The following FAM227A variants were observed in gnomAD, a reference collection of about 807,000 sequenced individuals.
The protein encoded by FAM227A is protein FAM227A.
Under a neutral mutation model 74.7 loss-of-function variants are expected in FAM227A, and 80 were observed. That is an observed-to-expected ratio of 1.07 (90% CI 0.89 to 1.29). FAM227A has a LOEUF of 1.29. Ranked by LOEUF, FAM227A falls within the 50% of genes most tolerant of loss-of-function variation. The pLI is 0.00. For synonymous variants in FAM227A, 237 were observed against 241.8 expected, an observed-to-expected ratio of 0.98 and a Z score of 0.19; for missense variants, 654 against 683.4, an observed-to-expected ratio of 0.96 and a Z score of 0.48.
chr22:38,641,318 G>C (rs1164920598), intron 3 of FAM227A, among the ~76,000 whole-genome samples: 1 of 152,096 alleles, frequency 6.6e-6, no homozygotes, highest in Non-Finnish European at 1.5e-5. Context: ...AGATTCCCGG[G>C]CCTTTGCATT....
intron 6 of FAM227A, among the ~76,000 whole-genome samples, chr22:38,634,948 T>C (rs1285923184): frequency 6.6e-6 from 1 of 151,798 alleles, no homozygotes; most frequent in Non-Finnish European, 1.5e-5. Flanking sequence ...GAAGAAGCCA[T>C]GAAGAAGAGA....
At chr22:38,588,386 AGGTG>A (rs1230335340) in intron 16 of FAM227A, among the ~76,000 whole-genome samples, 4 of 152,078 alleles carry the variant, frequency 2.6e-5, no homozygotes, top group African/African-American at 9.7e-5. Context: ...TGGGGGGCCG[AGGTG>A]GGTGGATCAC....
In FAM227A at chr22:38,580,238, G is replaced by A. The variant is rs2146078899; in HGVS notation, c.*5887C>T. On this transcript the variant is annotated 3_prime_UTR_variant, in exon 17 of 17. Coordinates refer to ENST00000535113, the MANE Select transcript of FAM227A (RefSeq NM_001013647.2). ...CTCGGCAACCGATGTCCTCTTTTAA[G>A]TCTCTTTTAATCTATATATTCCCCC... The A allele has an allele frequency of 6.6e-6, 1 of 152,262 alleles. No homozygotes were observed. The highest frequency in any genetic ancestry group is 1.9e-4 in the East Asian group (1 of 5,188). 9.4% of individuals were successfully genotyped at this position (152,262 alleles called of 1,614,324 possible).
At chr22:38,644,423 CAG>C (rs1402098658) in intron 3 of FAM227A, among the ~76,000 whole-genome samples, 1 of 144,202 alleles carries the variant, frequency 6.9e-6, no homozygotes, top group East Asian at 2.0e-4. Flanking sequence ...AGGTGGAGCA[CAG>C]AGGACTGTTG....
chr22:38,620,192 G>A lies in FAM227A; in HGVS notation c.1038+20C>T. On this transcript the variant is annotated intron_variant, in intron 11 of 16. Coordinates refer to ENST00000535113, the MANE Select transcript of FAM227A (RefSeq NM_001013647.2). ...CTTATGGGACTCCAAAGGGGTCCTG[G>A]TCCGTGCCTCCCCACTTACCTGAGG... 6.5e-7 allele frequency: 1 copy of A among 1,539,008 alleles called. No homozygotes were observed.
chr22:38,622,219 A>T (rs1322443054), intron 10 of FAM227A, among the ~76,000 whole-genome samples: 9 of 152,192 alleles, frequency 5.9e-5, no homozygotes, highest in African/African-American at 2.2e-4. Flanking sequence ...TTCTCAACAC[A>T]CTGCTTATGG....
intron 10 of FAM227A, among the ~76,000 whole-genome samples, 168 bp downstream of exon 10, chr22:38,623,004 T>C (rs989190442): frequency 6.6e-6 from 1 of 152,076 alleles, no homozygotes. Context: ...AACAATTATG[T>C]TGTACACTAC....
rs1285465827 is a variant in FAM227A, at chr22:38,583,072, G to C, written c.*3053C>G. On this transcript the variant is annotated 3_prime_UTR_variant, in exon 17 of 17. Coordinates refer to ENST00000535113, the MANE Select transcript of FAM227A (RefSeq NM_001013647.2). ...GCAAATGAAGAGTTGACAGTGGCTG[G>C]GGTAGTAAAGGGAAGGTGAGAGAGT... The C allele has an allele frequency of 1.9e-6, 2 of 1,075,046 alleles. No homozygotes were observed. Among genetic ancestry groups the C allele is most frequent in the African/African-American group, 3.1e-5 (2 of 63,808 alleles). The allele number at this position is 1,075,046 out of a possible 1,614,324, so 66.6% of individuals were successfully genotyped here. A position where few individuals can be genotyped will look rare whatever the true frequency, so the allele number is the denominator to read the frequency against.
chr22:38,604,707 G>A (rs1328163375), intron 13 of FAM227A, among the ~76,000 whole-genome samples: 2 of 152,086 alleles, frequency 1.3e-5, no homozygotes, highest in Non-Finnish European at 2.9e-5. Flanking sequence ...AGGCTGGAGT[G>A]CAGTGGCGCG....
Position 38,578,934 on chromosome 22 carries a change from G to A in FAM227A, c.*7191C>T, listed in dbSNP as rs756529278. The A allele has an allele frequency of 6.6e-6, 1 of 152,186 alleles. No individual in the cohort carries two copies. The highest frequency in any genetic ancestry group is 2.4e-5 in the African/African-American group (1 of 41,440). 9.4% of individuals were successfully genotyped at this position (152,186 alleles called of 1,614,324 possible). On this transcript the variant is annotated 3_prime_UTR_variant, in exon 17 of 17. Coordinates refer to ENST00000535113, the MANE Select transcript of FAM227A (RefSeq NM_001013647.2). ...TACCATGTGTCAGGCACTGTTCTAA[G>A]TGCCTCCCACAGATTCATGCATCCA...
chr22:38,613,146 T>TATATAATA (rs1491528157), intron 11 of FAM227A, among the ~76,000 whole-genome samples: 1 of 90,132 alleles, frequency 1.1e-5, no homozygotes. Flanking sequence ...AATATATATA[T>TATATAATA]TATATATTAT....
At chr22:38,643,609 CTA>C (rs1271165494) in intron 3 of FAM227A, among the ~76,000 whole-genome samples, 1 of 152,002 alleles carries the variant, frequency 6.6e-6, no homozygotes, top group Non-Finnish European at 1.5e-5. Context: ...TCTTACAAAA[CTA>C]AACTCTCACC....
rs188973009 is a variant in FAM227A at position 38,643,461 on chromosome 22, C to A, written c.225+2102G>T. On this transcript the variant is annotated intron_variant, in intron 3 of 16. Coordinates refer to ENST00000535113, the MANE Select transcript of FAM227A (RefSeq NM_001013647.2). ...CTAAAACAGCAATGGGATACCACTACGCAGCAATCAGAATGACCAAAATCT... is the reference window on the plus strand; with the variant it reads ...CTAAAACAGCAATGGGATACCACTAAGCAGCAATCAGAATGACCAAAATCT... Among the ~76,000 whole-genome samples, 180 of 152,192 alleles carry A rather than the reference C, an allele frequency of 1.2e-3. 1 individual carries two copies. Among genetic ancestry groups the A allele is most frequent in the African/African-American group, 4.1e-3 (169 of 41,520 alleles).
At chr22:38,653,870 C>G (rs1233579127) in intron 1 of FAM227A, 1 of 152,238 alleles carries the variant, frequency 6.6e-6, no homozygotes, top group East Asian at 1.9e-4. Flanking sequence ...GACTTGGTCC[C>G]TGCCCTCAAG....
At chr22:38,588,936 A>G (rs1453022228) in intron 16 of FAM227A, among the ~76,000 whole-genome samples, 1 of 151,620 alleles carries the variant, frequency 6.6e-6, no homozygotes, top group African/African-American at 2.4e-5. Context: ...TCAAAAAAAA[A>G]AAAAAAAGAA....
rs548391433 is a variant in FAM227A at position 38,650,003 on chromosome 22, T to C, written c.142+24A>G. On this transcript the variant is annotated intron_variant, in intron 2 of 16. Transcript: ENST00000535113. Reference sequence around the variant, plus strand: ...AAGTTAGGTGTATTTGGTCTGATTGTAGGTGACATCACCAGAAGGATACAG... The same window carrying C: ...AAGTTAGGTGTATTTGGTCTGATTGCAGGTGACATCACCAGAAGGATACAG... 109 of 1,551,582 alleles carry C rather than the reference T, an allele frequency of 7.0e-5. 1 individual carries two copies. In the South Asian group the frequency reaches 1.2e-3, roughly 17 times the overall value.
intron 11 of FAM227A, among the ~76,000 whole-genome samples, chr22:38,615,006 T>C (rs1002629624): frequency 1.3e-5 from 2 of 152,188 alleles, no homozygotes; most frequent in African/African-American, 4.8e-5. Context: ...TTGTTAAGTG[T>C]CTTCTTTGTG....
intron 3 of FAM227A, among the ~76,000 whole-genome samples, chr22:38,645,274 C>T (rs1277980218): frequency 6.6e-6 from 1 of 151,898 alleles, no homozygotes; most frequent in Non-Finnish European, 1.5e-5. Flanking sequence ...ACCTGTAGTC[C>T]CAGCTGCTCG....
At chr22:38,608,226 G>A (rs1253871024) in intron 11 of FAM227A, among the ~76,000 whole-genome samples, 1 of 151,896 alleles carries the variant, frequency 6.6e-6, no homozygotes, top group Non-Finnish European at 1.5e-5. Context: ...TACTTGGGAG[G>A]CTGAGGTGGG....
Sources: allele counts gnomAD v4.1 joint callset (sites outside exome capture counted in the v4.1 genomes callset), GRCh38; gene constraint gnomAD v4.1.1; transcripts MANE v1.5; gene names NCBI Gene and HGNC (gene_info 2026-07-23, HGNC 2026-07-21).